PTGS2: variants seen among roughly 807,000 people sequenced by gnomAD.
PTGS2 encodes prostaglandin G/H synthase 2.
In PTGS2, 14 loss-of-function variants were observed where a neutral mutation model predicts 63.8. The ratio of observed to expected loss-of-function variants is 0.22; its 90% CI spans 0.14 to 0.34. The LOEUF is 0.34. Ranked by LOEUF, PTGS2 falls within the 10% of genes least tolerant of loss-of-function variation. PTGS2 has a pLI of 1.00. For synonymous variants in PTGS2, 271 were observed against 259.5 expected (o/e 1.04, Z -0.43); for missense variants, 533 against 738.5 (o/e 0.72, Z 3.23).
At chr1:186,677,897 A>G (rs1295204483) in intron 4 of PTGS2, 67 bp from the exon 5 acceptor site, 17 of 1,438,598 alleles carry the variant, frequency 1.2e-5, no homozygotes, top group Non-Finnish European at 1.9e-6. Context: ...GTGACTGTCA[A>G]TCTACCAAGA....
chr1:186,678,492 G>T, intron 3 of PTGS2, 88 bp from the exon 4 acceptor site: 1 of 1,262,722 alleles, frequency 7.9e-7, no homozygotes, highest in Non-Finnish European at 1.1e-6. Flanking sequence ...GTGGAAAGTG[G>T]CACCTGAGGT....
rs757819284 is a variant in PTGS2, at chr1:186,676,194, C to T, written c.971-10G>A. 22 of 1,575,970 alleles carry T rather than the reference C, an allele frequency of 1.4e-5. No individual in the cohort carries two copies. Among genetic ancestry groups the T allele is most frequent in the Non-Finnish European group, 1.6e-5 (19 of 1,159,540 alleles). On this transcript the variant is annotated splice_polypyrimidine_tract_variant and intron_variant, in intron 7 of 9. Coordinates refer to ENST00000367468, the MANE Select transcript of PTGS2 (RefSeq NM_000963.4). Reference sequence around the variant, plus strand: ...ATCTTAATAGTCTCTCCTATTTGCACAAAATAAATAATAAAAACATTTATT... The same window carrying T: ...ATCTTAATAGTCTCTCCTATTTGCATAAAATAAATAATAAAAACATTTATT...
intron 5 of PTGS2, 121 bp from the exon 6 acceptor site, chr1:186,677,037 A>G: frequency 4.1e-6 from 3 of 735,000 alleles, no homozygotes; most frequent in Non-Finnish European, 6.5e-6. Context: ...ATTTTTAAAT[A>G]AAATATACAT....
intron 7 of PTGS2, 136 bp from the exon 8 acceptor site, chr1:186,676,320 T>G: frequency 7.3e-7 from 1 of 1,372,494 alleles, no homozygotes; most frequent in African/African-American, 1.5e-5. Flanking sequence ...AGATAGCTAT[T>G]TTATCAGTCA....
Position 186,678,349 on chromosome 1 carries a change from T to C in PTGS2, c.369A>G (p.Lys123=). The C allele has an allele frequency of 6.2e-7, 1 of 1,613,626 alleles. No individual in the cohort carries two copies. The highest frequency in any genetic ancestry group is 1.1e-5 in the South Asian group (1 of 91,022). ...PPTYNADYGY[K]SWEAFSNLSY... is the part of the protein sequence containing the mutation. Reference sequence around the variant, plus strand: ...AGAGGTTAGAGAAGGCTTCCCAGCTTTTGTAGCCATAGTCAGCATTGTAAG... The same window carrying C: ...AGAGGTTAGAGAAGGCTTCCCAGCTCTTGTAGCCATAGTCAGCATTGTAAG... The change falls in exon 4 of 10, where the codon AAA becomes AAG. Residue 123 remains lysine, a synonymous_variant. Transcript: ENST00000367468.
chr1:186,678,842 G>A (rs979042568), intron 3 of PTGS2, among the ~76,000 whole-genome samples: 1 of 152,112 alleles, frequency 6.6e-6, no homozygotes, highest in African/African-American at 2.4e-5. Flanking sequence ...AAACAGTAAA[G>A]GTTAGAAGAG....
chr1:186,678,124 A>G (rs755147700), intron 4 of PTGS2, 137 bp downstream of exon 4: 50 of 865,850 alleles, frequency 5.8e-5, no homozygotes, highest in Non-Finnish European at 8.0e-5. Flanking sequence ...TTTAAAAAAT[A>G]CCCATAGATA....
chr1:186,678,915 A>G (rs1166314065), intron 3 of PTGS2, 143 bp downstream of exon 3: 1 of 1,047,252 alleles, frequency 9.5e-7, no homozygotes, highest in Non-Finnish European at 1.4e-6. Flanking sequence ...ATTTTTGGCG[A>G]TTAAGATGGA....
chr1:186,675,337 G>A lies in PTGS2; in HGVS notation c.1317C>T (p.Asp439=), dbSNP rs200089522. The A allele has an allele frequency of 1.1e-5, 18 of 1,614,040 alleles. No homozygotes were observed. The highest frequency in any genetic ancestry group is 1.5e-5 in the Non-Finnish European group (18 of 1,180,016). The change falls in exon 9 of 10, where the codon GAC becomes GAT. Residue 439 remains aspartate (D), a synonymous_variant. Transcript: ENST00000367468. ...ACTGGTATTTCATCTGCCTGCTCTG[G>A]TCAATGGAAGCCTGTGATACTTTCT... ...AVQKVSQASI[D]QSRQMKYQSF...
At chr1:186,680,005 TGA>T (rs1665848981) in intron 1 of PTGS2, among the ~76,000 whole-genome samples, 1 of 152,206 alleles carries the variant, frequency 6.6e-6, no homozygotes, top group Non-Finnish European at 1.5e-5. Context: ...ATTTAGGAGG[TGA>T]GAGTGTCTCA....
chr1:186,679,373 A>G lies in PTGS2; in HGVS notation c.118T>C (p.Tyr40His), dbSNP rs945078063. 6 of 1,614,174 alleles carry G rather than the reference A, an allele frequency of 3.7e-6. No homozygotes were observed. The highest frequency in any genetic ancestry group is 5.1e-6 in the Non-Finnish European group (6 of 1,180,032). Residue 40 changes from tyrosine to histidine, a missense_variant, in exon 2 of 10, where the codon TAT (tyrosine) becomes CAT (histidine). Physicochemically the swap from Tyr to His is moderately conservative, Grantham distance 83. Coordinates refer to ENST00000367468, the MANE Select transcript of PTGS2 (RefSeq NM_000963.4). ...GVCMSVGFDQ[Y>H]KCDCTRTGFY... ...CCTGTCCGGGTACAATCGCACTTATACTGGTCAAATCCCACACTCATACAT... is the reference window on the plus strand; with the variant it reads ...CCTGTCCGGGTACAATCGCACTTATGCTGGTCAAATCCCACACTCATACAT...
intron 3 of PTGS2, 91 bp from the exon 4 acceptor site, chr1:186,678,495 C>T (rs1335815329): frequency 8.1e-6 from 10 of 1,238,268 alleles, no homozygotes; most frequent in Non-Finnish European, 9.8e-6. Flanking sequence ...GAAAGTGGCA[C>T]CTGAGGTTGA....
Position 186,677,982 on chromosome 1 carries a change from C to A in PTGS2, c.458-152G>T, listed in dbSNP as rs4648269. On this transcript the variant is annotated intron_variant, in intron 4 of 9. Transcript: ENST00000367468. ...ACAACAGTTCTAAGATATGGTGGAA[C>A]AACTTCTTACTGAATGATTTTATCT... 66 of 716,706 alleles carry A rather than the reference C, an allele frequency of 9.2e-5. No individual in the cohort carries two copies. The African/African-American group carries it at 9.7e-4, about 10-fold the overall frequency. 44.4% of individuals were successfully genotyped at this position (716,706 alleles called of 1,614,324 possible).
chr1:186,677,577 C>G (rs1218733564), intron 5 of PTGS2, 72 bp downstream of exon 5: 8 of 1,374,120 alleles, frequency 5.8e-6, no homozygotes, highest in African/African-American at 3.0e-5. Flanking sequence ...ATCTGTATAT[C>G]TCCTTTAATG....
chr1:186,675,824 A>AAAAT, intron 8 of PTGS2, 74 bp downstream of exon 8: 7 of 1,410,240 alleles, frequency 5.0e-6, no homozygotes, highest in Non-Finnish European at 5.7e-6. Context: ...AAGTTTAAGA[A>AAAAT]AAATAATTTC....
rs2206593 is a variant in PTGS2 at position 186,673,297 on chromosome 1, A to G, written c.*1056T>C. On this transcript the variant is annotated 3_prime_UTR_variant, in exon 10 of 10. Transcript: ENST00000367468. ...AACAGAAAATCTGAGAAAACATATC[A>G]TTATTCAAGCACAGCTTGGTACTTC... is the stretch of plus-strand genomic sequence containing the variant. The G allele has an allele frequency of 0.95, 145,336 of 152,298 alleles. 69,377 individuals are homozygous for G. Among genetic ancestry groups the G allele is most frequent in the East Asian group, 1 (5,183 of 5,188 alleles). The allele number at this position is 152,298 out of a possible 1,614,324, so 9.4% of individuals were successfully genotyped here. A position where few individuals can be genotyped will look rare whatever the true frequency, so the allele number is the denominator to read the frequency against.
rs1665815925 is a variant in PTGS2, at chr1:186,678,243, T to C, written c.457+18A>G. 4 of 1,590,606 alleles carry C rather than the reference T, an allele frequency of 2.5e-6. No homozygotes were observed. In the African/African-American group the frequency reaches 4.1e-5, roughly 16 times the overall value. On this transcript the variant is annotated intron_variant, in intron 4 of 9. Coordinates refer to ENST00000367468, the MANE Select transcript of PTGS2 (RefSeq NM_000963.4). ...CGTCTTATAGTTAATACATCTCTAA[T>C]GGATTCTTCTTACTCACCTTTGACA... is the stretch of plus-strand genomic sequence containing the variant.
chr1:186,678,475 G>A, intron 3 of PTGS2, 71 bp from the exon 4 acceptor site: 1 of 1,396,408 alleles, frequency 7.2e-7, no homozygotes, highest in African/African-American at 1.5e-5. Context: ...TATTTTTATT[G>A]TAAAATGTGG....
chr1:186,675,129 A>G (rs1665757482), intron 9 of PTGS2, 120 bp downstream of exon 9: 2 of 1,298,590 alleles, frequency 1.5e-6, no homozygotes, highest in South Asian at 2.7e-5. Flanking sequence ...GTGAGCCGAG[A>G]TGGCGCCACT....
Sources: allele counts gnomAD v4.1 joint callset (sites outside exome capture counted in the v4.1 genomes callset), GRCh38; gene constraint gnomAD v4.1.1; transcripts MANE v1.5; gene names NCBI Gene and HGNC (gene_info 2026-07-23, HGNC 2026-07-21).